The following XIRP1 variants were observed in gnomAD, a reference collection of about 807,000 sequenced individuals.
XIRP1 encodes the protein xin actin-binding repeat-containing protein 1.
For synonymous variants in XIRP1, 984 were observed against 947.0 expected (o/e 1.04, Z -0.72); for missense variants, 2,378 against 2,345.4 (o/e 1.01, Z -0.29).
In XIRP1 at chr3:39,184,591, T is replaced by G. The variant is rs2039928369; in HGVS notation, c.4855A>C (p.Thr1619Pro). The change falls in exon 2 of 2, where the codon ACT becomes CCT. Residue 1619 changes from threonine (T) to proline (P), a missense_variant. By Grantham distance (38) the Thr-to-Pro change is conservative. Coordinates refer to ENST00000340369, the MANE Select transcript of XIRP1 (RefSeq NM_194293.4). ...VKNQAKVECH[T>P]EAQSQVKIRN... ...ATCTTGACTTGACTCTGGGCCTCAGTGTGGCATTCAACCTTGGCTTGGTTC... is the reference window on the plus strand; with the variant it reads ...ATCTTGACTTGACTCTGGGCCTCAGGGTGGCATTCAACCTTGGCTTGGTTC... 6.2e-7 allele frequency: 1 copy of G among 1,613,868 alleles called. No homozygotes were observed. Among genetic ancestry groups the G allele is most frequent in the East Asian group, 2.2e-5 (1 of 44,876 alleles).
At position 39,186,153 on chromosome 3, in the gene XIRP1, G is replaced by C. The variant is rs2039965870; in HGVS notation, c.3293C>G (p.Ala1098Gly). 2 of 1,613,646 alleles carry C rather than the reference G, an allele frequency of 1.2e-6. No individual in the cohort carries two copies. Among genetic ancestry groups the C allele is most frequent in the Non-Finnish European group, 1.7e-6 (2 of 1,179,760 alleles). The change falls in exon 2 of 2, where the codon GCT becomes GGT. Residue 1098 changes from alanine to glycine, a missense_variant. Physicochemically the swap from Ala to Gly is moderately conservative, Grantham distance 60 (BLOSUM62 0). Transcript: ENST00000340369. ...PIQDGLRKAG[A>G]TQSNIRPGGG... ...CCCAGGCCTTATGTTGCTTTGGGTAGCCCCAGCTTTCCGAAGACCGTCCTG... is the reference window on the plus strand; with the variant it reads ...CCCAGGCCTTATGTTGCTTTGGGTACCCCCAGCTTTCCGAAGACCGTCCTG...
Position 39,185,420 on chromosome 3 carries a change from C to T in XIRP1, c.4026G>A (p.Leu1342=). The change falls in exon 2 of 2, where the codon CTG becomes CTA. Residue 1342 remains leucine (L), a synonymous_variant. Coordinates refer to ENST00000340369, the MANE Select transcript of XIRP1 (RefSeq NM_194293.4). ...TGGGAGATAGAGGCAAGGGCTTGGG[C>T]AGCCTCTGAGGAGGGTGGCTCTGGG... The part of the protein sequence containing the change: ...HLTQSHPPQR[L]PKPLPLSPSF... The T allele has an allele frequency of 6.2e-7, 1 of 1,612,534 alleles. No homozygotes were observed. The highest frequency in any genetic ancestry group is 1.1e-5 in the South Asian group (1 of 90,850).
chr3:39,184,028 G>A lies in XIRP1; in HGVS notation c.5418C>T (p.His1806=), dbSNP rs780300982. The stretch of plus-strand genomic sequence containing the variant: ...GGAACTGCCTCAGCAAGGGGGAGGC[G>A]TGGAGCCCGAGGTGGGAGCCTGGGT... The part of the protein sequence containing the change: ...PRNPGSHLGL[H]ASPLLRQFLH... The change falls in exon 2 of 2, where the codon CAC becomes CAT. Residue 1806 remains histidine (H), a synonymous_variant. Coordinates refer to ENST00000340369, the MANE Select transcript of XIRP1 (RefSeq NM_194293.4). 2.7e-5 allele frequency: 43 copies of A among 1,612,832 alleles called. No homozygotes were observed. Among genetic ancestry groups the A allele is most frequent in the East Asian group, 6.7e-5 (3 of 44,886 alleles).
At position 39,188,927 on chromosome 3, in the gene XIRP1, C is replaced by T. The variant is rs1268972188; in HGVS notation, c.519G>A (p.Lys173=). 1 of 1,613,502 alleles carries T rather than the reference C, an allele frequency of 6.2e-7. No homozygotes were observed. Among genetic ancestry groups the T allele is most frequent in the South Asian group, 1.1e-5 (1 of 91,074 alleles). The stretch of plus-strand genomic sequence containing the variant: ...GCTCCCTCACAGTGGCCTCCAGTTC[C>T]TTGGCTTGCCCTGTCAGCTCGTCCA... The part of the protein sequence containing the change: ...KPLDELTGQA[K]ELEATVREPA... The change falls in exon 2 of 2, where the codon AAG becomes AAA. Residue 173 remains lysine, a synonymous_variant. Coordinates refer to ENST00000340369, the MANE Select transcript of XIRP1 (RefSeq NM_194293.4).
At position 39,186,602 on chromosome 3, in the gene XIRP1, G is replaced by C; in HGVS notation, c.2844C>G (p.Pro948=). Residue 948 remains proline (P), a synonymous_variant, in exon 2 of 2, where the codon CCC becomes CCG. Transcript: ENST00000340369. ...CTGGCACTGGACTCGGGTCAGCCGG[G>C]GGCTCCCACCGCAGACTGTGCAGGC... is the stretch of plus-strand genomic sequence containing the variant. The part of the protein sequence containing the change: ...LSGLHSLRWE[P]PADPSPVPAS... The C allele has an allele frequency of 7.5e-6, 12 of 1,610,002 alleles. No individual in the cohort carries two copies. The highest frequency in any genetic ancestry group is 1.0e-5 in the Non-Finnish European group (12 of 1,177,524).
In XIRP1 at chr3:39,184,144, C is replaced by T. The variant is rs111243567; in HGVS notation, c.5302G>A (p.Val1768Met). The part of the protein sequence containing the change: ...SSQHYGAMRT[V>M]TEQYEEVDQF... Reference sequence around the variant, plus strand: ...TCCACCTCCTCATACTGTTCAGTCACGGTTCTCATGGCTCCATAGTGTTGT... The same window carrying T: ...TCCACCTCCTCATACTGTTCAGTCATGGTTCTCATGGCTCCATAGTGTTGT... The change falls in exon 2 of 2, where the codon GTG (valine) becomes ATG (methionine). Residue 1768 changes from valine to methionine, a missense_variant. Transcript: ENST00000340369. 6.6e-4 allele frequency: 1,071 copies of T among 1,612,432 alleles called. 10 individuals carry two copies. In the African/African-American group the frequency reaches 0.01, roughly 16 times the overall value.
rs1559744759 is a variant in XIRP1, at chr3:39,183,687, C to T, written c.*227G>A. ...AAGCAGCTGGGAGCCCCCATCCTACCCCCACGCCTGTGCAACTCTGTGGGC... is the reference window on the plus strand; with the variant it reads ...AAGCAGCTGGGAGCCCCCATCCTACTCCCACGCCTGTGCAACTCTGTGGGC... On this transcript the variant is annotated 3_prime_UTR_variant, in exon 2 of 2. Transcript: ENST00000340369. 3 of 688,932 alleles carry T rather than the reference C, an allele frequency of 4.4e-6. No homozygotes were observed. Among genetic ancestry groups the T allele is most frequent in the Non-Finnish European group, 6.9e-6 (3 of 432,046 alleles). 42.7% of individuals were successfully genotyped at this position (688,932 alleles called of 1,614,324 possible).
In XIRP1 at chr3:39,186,706, G is replaced by A. The variant is rs779453927; in HGVS notation, c.2740C>T (p.Pro914Ser). 23 of 1,614,002 alleles carry A rather than the reference G, an allele frequency of 1.4e-5. No individual in the cohort carries two copies. The South Asian group carries it at 1.6e-4, about 12-fold the overall frequency. Reference sequence around the variant, plus strand: ...TCAGAGGCCTTGCTAGTTAGCCGGGGCTGCAGAGAGTAGGCAGTCAGTGCG... The same window carrying A: ...TCAGAGGCCTTGCTAGTTAGCCGGGACTGCAGAGAGTAGGCAGTCAGTGCG... ...LVALTAYSLQ[P>S]RLTSKASERS... The change falls in exon 2 of 2, where the codon CCC (proline) becomes TCC (serine). Residue 914 changes from proline (P) to serine (S), a missense_variant. By Grantham distance (74) the Pro-to-Ser change is moderately conservative (BLOSUM62 -1). Transcript: ENST00000340369.
At position 39,188,293 on chromosome 3, in the gene XIRP1, A is replaced by G. The variant is rs775471243; in HGVS notation, c.1153T>C (p.Phe385Leu). ...AAAGCATCCAGGGGCTTTGTTTCAA[A>G]TAGCCACAGGGTGGAGCGGACATCA... ...PGDVRSTLWL[F>L]ETKPLDAFRD... Residue 385 changes from phenylalanine to leucine, a missense_variant, in exon 2 of 2, where the codon TTT becomes CTT. By Grantham distance (22) the Phe-to-Leu change is conservative. Coordinates refer to ENST00000340369, the MANE Select transcript of XIRP1 (RefSeq NM_194293.4). 5 of 1,614,172 alleles carry G rather than the reference A, an allele frequency of 3.1e-6. No homozygotes were observed. Among genetic ancestry groups the G allele is most frequent in the Non-Finnish European group, 3.4e-6 (4 of 1,180,018 alleles).
At position 39,186,717 on chromosome 3, in the gene XIRP1, T is replaced by A. The variant is rs771482535; in HGVS notation, c.2729A>T (p.Tyr910Phe). The change falls in exon 2 of 2, where the codon TAC becomes TTC. Residue 910 changes from tyrosine (Y) to phenylalanine (F), a missense_variant. Tyr to Phe is a conservative substitution (Grantham distance 22, BLOSUM62 3). Coordinates refer to ENST00000340369, the MANE Select transcript of XIRP1 (RefSeq NM_194293.4). ...GCTAGTTAGCCGGGGCTGCAGAGAG[T>A]AGGCAGTCAGTGCGACCAGGCCCTG... Reference protein sequence around the residue: ...TEQGLVALTAYSLQPRLTSKA... With the variant: ...TEQGLVALTAFSLQPRLTSKA... 9 of 1,613,802 alleles carry A rather than the reference T, an allele frequency of 5.6e-6. No homozygotes were observed. In the African/African-American group the frequency reaches 1.1e-4, roughly 19 times the overall value.
rs2040017052 is a variant in XIRP1 at position 39,187,996 on chromosome 3, A to G, written c.1450T>C (p.Tyr484His). 1.2e-6 allele frequency: 2 copies of G among 1,614,214 alleles called. No individual in the cohort carries two copies. The highest frequency in any genetic ancestry group is 4.5e-5 in the East Asian group (2 of 44,880). Residue 484 changes from tyrosine to histidine, a missense_variant, in exon 2 of 2, where the codon TAT becomes CAT. Tyr to His is a moderately conservative substitution (Grantham distance 83). Coordinates refer to ENST00000340369, the MANE Select transcript of XIRP1 (RefSeq NM_194293.4). ...CGGCCCTTGCTGTCCTGCATGGCAT[A>G]CACTGGGGACCCTATGCCCTGGGCC... ...GQAQGIGSPV[Y>H]AMQDSKGRLH... is the part of the protein sequence containing the mutation.
At position 39,186,196 on chromosome 3, in the gene XIRP1, C is replaced by T. The variant is rs1450925547; in HGVS notation, c.3250G>A (p.Ala1084Thr). 1.2e-6 allele frequency: 2 copies of T among 1,613,782 alleles called. No individual in the cohort carries two copies. The highest frequency in any genetic ancestry group is 1.7e-6 in the Non-Finnish European group (2 of 1,179,942). The change falls in exon 2 of 2, where the codon GCC becomes ACC. Residue 1084 changes from alanine (A) to threonine (T), a missense_variant. Coordinates refer to ENST00000340369, the MANE Select transcript of XIRP1 (RefSeq NM_194293.4). ...NKHKQGPTPT[A>T]TSNPIQDGLR... is the part of the protein sequence containing the mutation. ...CCGTCCTGGATGGGGTTGGAAGTGG[C>T]TGTTGGGGTGGGGCCCTGCTTGTGC...
chr3:39,184,472 C>G lies in XIRP1; in HGVS notation c.4974G>C (p.Arg1658=), dbSNP rs762251559. ...ETSREYLCPP[R]VLPSSRDSPS... is the part of the protein sequence containing the mutation. ...GAGAATCTCGGCTGGAAGGTAAAAC[C>G]CGAGGAGGGCACAAATACTCTCTTG... Residue 1658 remains arginine, a synonymous_variant, in exon 2 of 2, where the codon CGG becomes CGC. Coordinates refer to ENST00000340369, the MANE Select transcript of XIRP1 (RefSeq NM_194293.4). 3 of 1,614,106 alleles carry G rather than the reference C, an allele frequency of 1.9e-6. No homozygotes were observed. The highest frequency in any genetic ancestry group is 2.5e-6 in the Non-Finnish European group (3 of 1,180,042).
chr3:39,184,392 GTC>G lies in XIRP1; in HGVS notation c.5052_5053del (p.Glu1684AspfsTer5). ...ATCAGGGTTGCCCTTAAAGCTGGGA[GTC>G]TCTAGAGGCTTCCTTGTGGCCGACT... On this transcript the variant is annotated frameshift_variant, in exon 2 of 2. Transcript: ENST00000340369. LOFTEE classifies it low-confidence loss of function (END_TRUNC). The G allele has an allele frequency of 6.2e-7, 1 of 1,614,198 alleles. No individual in the cohort carries two copies. The highest frequency in any genetic ancestry group is 1.1e-5 in the South Asian group (1 of 91,088).
At position 39,184,812 on chromosome 3, in the gene XIRP1, G is replaced by A. The variant is rs779359788; in HGVS notation, c.4634C>T (p.Ala1545Val). ...AGCCTCTTCAATGTCCAGCAGCCTT[G>A]CCAAGGTCTGTTCCTTCAGTTGAGC... Reference protein sequence around the residue: ...EVAQLKEQTLARLLDIEEAVH... With the variant: ...EVAQLKEQTLVRLLDIEEAVH... The change falls in exon 2 of 2, where the codon GCA (alanine) becomes GTA (valine). Residue 1545 changes from alanine (A) to valine (V), a missense_variant. Coordinates refer to ENST00000340369, the MANE Select transcript of XIRP1 (RefSeq NM_194293.4). 1.2e-6 allele frequency: 2 copies of A among 1,614,182 alleles called. No individual in the cohort carries two copies. The highest frequency in any genetic ancestry group is 2.2e-5 in the South Asian group (2 of 91,082).
Position 39,185,607 on chromosome 3 carries a change from A to G in XIRP1, c.3839T>C (p.Ile1280Thr), listed in dbSNP as rs773828895. The G allele has an allele frequency of 1.2e-6, 2 of 1,608,236 alleles. No homozygotes were observed. The highest frequency in any genetic ancestry group is 1.7e-5 in the Admixed American group (1 of 59,320). Residue 1280 changes from isoleucine (I) to threonine (T), a missense_variant, in exon 2 of 2, where the codon ATC (isoleucine) becomes ACC (threonine). Ile to Thr is a moderately conservative substitution (Grantham distance 89). Transcript: ENST00000340369. ...CTTCAGGGGCTCAGAGGCTTGCTGG[A>G]TGGAGTCCTCAGCACGGTGGGCTCC... ...PAGAHRAEDS[I>T]QQASEPLKDP...
Position 39,186,919 on chromosome 3 carries a change from G to A in XIRP1, c.2527C>T (p.Gln843Ter). 6.2e-7 allele frequency: 1 copy of A among 1,614,018 alleles called. No individual in the cohort carries two copies. Among genetic ancestry groups the A allele is most frequent in the Non-Finnish European group, 8.5e-7 (1 of 1,179,926 alleles). Residue 843 changes from glutamine to a stop codon, truncating the protein, a stop_gained, in exon 2 of 2, where the codon CAG becomes TAG. Coordinates refer to ENST00000340369, the MANE Select transcript of XIRP1 (RefSeq NM_194293.4). LOFTEE classifies it low-confidence loss of function (END_TRUNC). ...GGGTCTTCCTGCACCAGCAGCCCCT[G>A]CTGGTCCACATCTGGCCGGCGCAGG... Reference protein sequence around the residue: ...QVLRRPDVDQQGLLVQEDPTG... With the variant: ...QVLRRPDVDQ
Position 39,185,508 on chromosome 3 carries a change from T to G in XIRP1, c.3938A>C (p.Lys1313Thr), listed in dbSNP as rs1373578857. 1.9e-6 allele frequency: 3 copies of G among 1,558,814 alleles called. No homozygotes were observed. In the African/African-American group the frequency reaches 4.1e-5, roughly 21 times the overall value. Reference sequence around the variant, plus strand: ...CTTTGGGGGCATGGTGGGGTCCAGTTTTGGGGTCTTTGTCTGTGACCCTCC... The same window carrying G: ...CTTTGGGGGCATGGTGGGGTCCAGTGTTGGGGTCTTTGTCTGTGACCCTCC... ...TPGGSQTKTP[K>T]LDPTMPPKKK... is the part of the protein sequence containing the mutation. Residue 1313 changes from lysine to threonine, a missense_variant, in exon 2 of 2, where the codon AAA (lysine) becomes ACA (threonine). Coordinates refer to ENST00000340369, the MANE Select transcript of XIRP1 (RefSeq NM_194293.4).
Position 39,186,594 on chromosome 3 carries a change from T to C in XIRP1, c.2852A>G (p.Asp951Gly). The change falls in exon 2 of 2, where the codon GAC becomes GGC. Residue 951 changes from aspartate (D) to glycine (G), a missense_variant. Coordinates refer to ENST00000340369, the MANE Select transcript of XIRP1 (RefSeq NM_194293.4). ...CTCGCTGGCTGGCACTGGACTCGGG[T>C]CAGCCGGGGGCTCCCACCGCAGACT... ...LHSLRWEPPA[D>G]PSPVPASEGA... The C allele has an allele frequency of 6.2e-7, 1 of 1,609,920 alleles. No individual in the cohort carries two copies. Among genetic ancestry groups the C allele is most frequent in the South Asian group, 1.1e-5 (1 of 90,912 alleles).
Sources: gnomAD v4.1 joint callset for allele counts on GRCh38, gnomAD v4.1.1 for gene constraint, MANE v1.5 for transcripts, NCBI Gene and HGNC (gene_info 2026-07-23, HGNC 2026-07-21) for gene names.